VWA3B: variants seen among roughly 807,000 people sequenced by gnomAD.
VWA3B encodes von Willebrand factor A domain containing 3B.
A neutral mutation model predicts 158.3 loss-of-function variants in VWA3B; 138 were observed. The observed-to-expected ratio is 0.87, with a 90% CI of 0.76 to 1.00. The LOEUF is 1.00. Ranked by LOEUF, VWA3B falls within the 50% of genes least tolerant of loss-of-function variation. VWA3B has a pLI of 0.00. For synonymous variants in VWA3B, 596 were observed against 587.3 expected, an observed-to-expected ratio of 1.01 and a Z score of -0.21; for missense variants, 1,555 against 1,565.1, an observed-to-expected ratio of 0.99 and a Z score of 0.11.
intron 10 of VWA3B, among the ~76,000 whole-genome samples, chr2:98,188,813 G>GGGA (rs1681343007): frequency 6.6e-6 from 1 of 152,146 alleles, no homozygotes; most frequent in African/African-American, 2.4e-5. Context: ...AAAAAAAGGT[G>GGGA]GGGGTTGTTT....
chr2:98,308,351 G>T (rs143854250), intron 26 of VWA3B, among the ~76,000 whole-genome samples: 1 of 152,290 alleles, frequency 6.6e-6, no homozygotes, highest in Non-Finnish European at 1.5e-5. Flanking sequence ...CTTCCCTTCC[G>T]TTCAGGAGTG....
At chr2:98,097,982 G>A (rs6705251) in intron 2 of VWA3B, among the ~76,000 whole-genome samples, 11,517 of 151,996 alleles carry the variant, frequency 0.076, 580 homozygotes, top group Middle Eastern at 0.15. Flanking sequence ...TAGACCCATT[G>A]GTTATTCAGG....
intron 23 of VWA3B, chr2:98,290,893 A>G: frequency 5.7e-6 from 2 of 351,088 alleles, no homozygotes; most frequent in South Asian, 3.8e-5. Context: ...ACTGCGTTGC[A>G]TGTATGTAAT....
intron 7 of VWA3B, among the ~76,000 whole-genome samples, chr2:98,134,405 G>T (rs1418056716): frequency 6.6e-6 from 1 of 152,208 alleles, no homozygotes; most frequent in Admixed American, 6.5e-5. Flanking sequence ...TACGGAGGCG[G>T]AATGAACTTC....
chr2:98,311,705 T>A, intron 26 of VWA3B, 114 bp from the exon 27 acceptor site: 2 of 1,252,940 alleles, frequency 1.6e-6, no homozygotes. Flanking sequence ...CTCCTTTCCA[T>A]GGGAAGAGGG....
chr2:98,156,242 T>C (rs973724080), intron 7 of VWA3B, among the ~76,000 whole-genome samples: 4 of 152,246 alleles, frequency 2.6e-5, no homozygotes, highest in African/African-American at 9.6e-5. Flanking sequence ...ATGATGATTC[T>C]CCAAGTAGAT....
At chr2:98,172,478 G>A (rs1038429224) in intron 8 of VWA3B, among the ~76,000 whole-genome samples, 4 of 152,208 alleles carry the variant, frequency 2.6e-5, no homozygotes, top group Admixed American at 6.5e-5. Flanking sequence ...GAATGGGGGC[G>A]TGACAGGCCA....
rs957689291 is a variant in VWA3B at position 98,312,459 on chromosome 2, G to A, written c.*110G>A. 7 of 1,349,080 alleles carry A rather than the reference G, an allele frequency of 5.2e-6. No homozygotes were observed. The highest frequency in any genetic ancestry group is 1.5e-5 in the African/African-American group (1 of 68,492). 83.6% of individuals were successfully genotyped at this position (1,349,080 alleles called of 1,614,324 possible). On this transcript the variant is annotated 3_prime_UTR_variant, in exon 28 of 28. Coordinates refer to ENST00000477737, the MANE Select transcript of VWA3B (RefSeq NM_144992.5). ...CCGCGGAGGTAAGGCCGCCCTCCGC[G>A]CCGCCTATGCCTGCCCTGTCTGTAG...
intron 23 of VWA3B, among the ~76,000 whole-genome samples, chr2:98,295,700 T>C (rs1177995890): frequency 6.6e-6 from 1 of 152,202 alleles, no homozygotes; most frequent in Non-Finnish European, 1.5e-5. Context: ...ATTTCAGAGC[T>C]GGGAGACACA....
intron 20 of VWA3B, among the ~76,000 whole-genome samples, chr2:98,251,117 A>C (rs1391148454): frequency 6.6e-6 from 1 of 152,034 alleles, no homozygotes; most frequent in Non-Finnish European, 1.5e-5. Flanking sequence ...GCTCATAAGG[A>C]ATATAAACAA....
At chr2:98,176,796 T>C (rs1481045416) in intron 8 of VWA3B, among the ~76,000 whole-genome samples, 2 of 152,224 alleles carry the variant, frequency 1.3e-5, no homozygotes. Context: ...TTTGAAACTT[T>C]CCTTTCAAGC....
intron 2 of VWA3B, among the ~76,000 whole-genome samples, chr2:98,112,948 A>AT (rs907322509): frequency 6.6e-6 from 1 of 151,886 alleles, no homozygotes; most frequent in Non-Finnish European, 1.5e-5. Context: ...CCATACAGAT[A>AT]TTGTACTTTT....
At chr2:98,118,672 C>T (rs2104952856) in intron 3 of VWA3B, among the ~76,000 whole-genome samples, 1 of 152,292 alleles carries the variant, frequency 6.6e-6, no homozygotes, top group South Asian at 2.1e-4. Context: ...TTTGAGCCAG[C>T]AACGGCTACC....
rs148220540 is a variant in VWA3B, at chr2:98,214,279, T to G, written c.1836+2251T>G. Among the ~76,000 whole-genome samples, 489 of 151,696 alleles carry G rather than the reference T, an allele frequency of 3.2e-3. 3 individuals are homozygous for G. Among genetic ancestry groups the G allele is most frequent in the African/African-American group, 0.011 (456 of 41,402 alleles). ...ATCACTCATAATTGAATTTTGTGGG[T>G]TTTTTTCCCATCTAACATATCACAT... is the stretch of plus-strand genomic sequence containing the variant. On this transcript the variant is annotated intron_variant, in intron 13 of 27. Transcript: ENST00000477737.
At chr2:98,220,034 G>A (rs919723581) in intron 14 of VWA3B, among the ~76,000 whole-genome samples, 2 of 151,752 alleles carry the variant, frequency 1.3e-5, no homozygotes, top group African/African-American at 4.8e-5. Context: ...ATGGTGGTTT[G>A]CACCTGTAGT....
intron 12 of VWA3B, among the ~76,000 whole-genome samples, chr2:98,196,834 A>T (rs1682089491): frequency 6.6e-6 from 1 of 152,196 alleles, no homozygotes; most frequent in African/African-American, 2.4e-5. Context: ...TTTTGCTTTT[A>T]ACTTTTAAAT....
intron 7 of VWA3B, among the ~76,000 whole-genome samples, chr2:98,144,467 T>C (rs1304450379): frequency 1.3e-5 from 2 of 152,148 alleles, no homozygotes; most frequent in African/African-American, 2.4e-5. Context: ...GTTTCCTGAG[T>C]TCTCTCTTGG....
intron 8 of VWA3B, among the ~76,000 whole-genome samples, chr2:98,169,102 C>CA (rs1209639907): frequency 6.6e-6 from 1 of 152,012 alleles, no homozygotes; most frequent in Non-Finnish European, 1.5e-5. Flanking sequence ...AGAACAACAA[C>CA]AAAAAAGATA....
intron 23 of VWA3B, among the ~76,000 whole-genome samples, chr2:98,292,465 A>G (rs1689555696): frequency 6.6e-6 from 1 of 152,076 alleles, no homozygotes; most frequent in African/African-American, 2.4e-5. Context: ...CCTGGATGAG[A>G]GTAAATATGG....
Sources: allele counts gnomAD v4.1 joint callset (sites outside exome capture counted in the v4.1 genomes callset), GRCh38; gene constraint gnomAD v4.1.1; transcripts MANE v1.5; gene names NCBI Gene and HGNC (gene_info 2026-07-23, HGNC 2026-07-21).